CUBN: variants seen among roughly 807,000 people sequenced by gnomAD.
CUBN encodes cubilin.
In CUBN, 282 loss-of-function variants were observed where a neutral mutation model predicts 405.3. The observed-to-expected ratio is 0.70, with a 90% CI of 0.63 to 0.77. The LOEUF is 0.77. Among genes scored for constraint, CUBN ranks in the 30% least tolerant of loss-of-function variants. The pLI, the probability that CUBN is intolerant of heterozygous loss-of-function variation, is 0.00. For missense variants in CUBN, 4,514 were observed against 4,475.2 expected (o/e 1.01, Z -0.25); for synonymous variants, 1,684 against 1,617.0 (o/e 1.04, Z -0.99).
At position 16,831,109 on chromosome 10, in the gene CUBN, C is replaced by T. The variant is rs910601648; in HGVS notation, c.10528+143G>A. 7 of 759,404 alleles carry T rather than the reference C, an allele frequency of 9.2e-6. No individual in the cohort carries two copies. The African/African-American group carries it at 1.1e-4, about 11-fold the overall frequency. 47.0% of individuals were successfully genotyped at this position (759,404 alleles called of 1,614,324 possible). On this transcript the variant is annotated intron_variant, in intron 65 of 66. Coordinates refer to ENST00000377833, the MANE Select transcript of CUBN (RefSeq NM_001081.4). ...TTCAAAAAAAAAAAAGTAATCTGTA[C>T]TTTCAATGTTAAAATCTCTATTCTT...
intron 14 of CUBN, among the ~76,000 whole-genome samples, chr10:17,095,548 A>T (rs1836354860): frequency 6.6e-6 from 1 of 152,102 alleles, no homozygotes; most frequent in Non-Finnish European, 1.5e-5. Flanking sequence ...TCAAAACCAC[A>T]ATAAGATGCC....
intron 27 of CUBN, among the ~76,000 whole-genome samples, chr10:17,028,645 T>A (rs1834726031): frequency 6.6e-6 from 1 of 150,856 alleles, no homozygotes; most frequent in Non-Finnish European, 1.5e-5. Flanking sequence ...GACTTGAATC[T>A]GGGAGGCGGA....
intron 54 of CUBN, among the ~76,000 whole-genome samples, chr10:16,898,308 T>C (rs543918452): frequency 1.3e-5 from 2 of 152,216 alleles, no homozygotes; most frequent in South Asian, 2.1e-4. Flanking sequence ...ATGCTCTTCA[T>C]TCTACAGTTG....
chr10:17,045,426 C>G (rs1234246581), intron 24 of CUBN, among the ~76,000 whole-genome samples: 3 of 146,308 alleles, frequency 2.1e-5, no homozygotes, highest in Non-Finnish European at 4.5e-5. Context: ...ACGGCATGAT[C>G]TTGACTCACT....
chr10:16,824,115 T>A lies in CUBN; in HGVS notation c.*860A>T, dbSNP rs1165517581. On this transcript the variant is annotated 3_prime_UTR_variant, in exon 67 of 67. Coordinates refer to ENST00000377833, the MANE Select transcript of CUBN (RefSeq NM_001081.4). The stretch of plus-strand genomic sequence containing the variant: ...CCCAGGCTGGAGTACAGTGGTTAAT[T>A]CACAGGGTTTCACTGCAGCCTTAAC... The A allele has an allele frequency of 1.3e-5, 2 of 152,182 alleles. No homozygotes were observed. Among genetic ancestry groups the A allele is most frequent in the Non-Finnish European group, 2.9e-5 (2 of 68,032 alleles). 9.4% of individuals were successfully genotyped at this position (152,182 alleles called of 1,614,324 possible).
intron 64 of CUBN, among the ~76,000 whole-genome samples, chr10:16,832,642 T>C (rs1329651515): frequency 6.6e-6 from 1 of 152,130 alleles, no homozygotes. Context: ...GGATACTAAT[T>C]TCCACTGACA....
At chr10:16,830,946 G>A (rs943318196) in intron 65 of CUBN, among the ~76,000 whole-genome samples, 2 of 152,102 alleles carry the variant, frequency 1.3e-5, no homozygotes, top group African/African-American at 4.8e-5. Flanking sequence ...AATCGGCTGG[G>A]CATGGTGGCG....
Position 17,046,012 on chromosome 10 carries a change from T to C in CUBN, c.3412A>G (p.Lys1138Glu). ...LPPTIISHSN[K>E]LWLKFKSDQI... ...TCACTCTTAAATTTTAACCATAGTT[T>C]GTTACTATGAGAGATGATTGTTGGG... The change falls in exon 24 of 67, where the codon AAA (lysine) becomes GAA (glutamate). Residue 1138 changes from lysine (K) to glutamate (E), a missense_variant. By Grantham distance (56) the Lys-to-Glu change is moderately conservative. Around this residue, in one of 5 missense-constraint regions of CUBN, gnomAD observed 1,448 missense variants for 1,388.0 expected, o/e 1.04. Coordinates refer to ENST00000377833, the MANE Select transcript of CUBN (RefSeq NM_001081.4). 1 of 1,613,226 alleles carries C rather than the reference T, an allele frequency of 6.2e-7. No homozygotes were observed. Among genetic ancestry groups the C allele is most frequent in the Non-Finnish European group, 8.5e-7 (1 of 1,179,188 alleles).
At chr10:17,102,529 T>A (rs1268096800) in intron 13 of CUBN, among the ~76,000 whole-genome samples, 1 of 150,314 alleles carries the variant, frequency 6.7e-6, no homozygotes, top group African/African-American at 2.5e-5. Flanking sequence ...TCAGGCAATG[T>A]GCCCGCCTCA....
Position 16,836,344 on chromosome 10 carries a change from A to T in CUBN, c.10071T>A (p.Asn3357Lys), listed in dbSNP as rs781587982. The change falls in exon 63 of 67, where the codon AAT becomes AAA. Residue 3357 changes from asparagine (N) to lysine (K), a missense_variant. Around this residue, in one of 5 missense-constraint regions of CUBN, gnomAD observed 1,186 missense variants for 1,186.9 expected, o/e 1.00. Transcript: ENST00000377833. Reference sequence around the variant, plus strand: ...AATAAAACACTGGCACAGCCGAAGCATTTCTGCCACAGAACTGAAATCTTG... The same window carrying T: ...AATAAAACACTGGCACAGCCGAAGCTTTTCTGCCACAGAACTGAAATCTTG... ...GNSRFQFCGR[N>K]ASAVPVFYSS... The T allele has an allele frequency of 1.2e-6, 2 of 1,614,120 alleles. No homozygotes were observed. The highest frequency in any genetic ancestry group is 8.5e-7 in the Non-Finnish European group (1 of 1,179,924).
At chr10:16,950,483 A>T (rs1376125353) in intron 33 of CUBN, among the ~76,000 whole-genome samples, 1 of 152,200 alleles carries the variant, frequency 6.6e-6, no homozygotes, top group Non-Finnish European at 1.5e-5. Flanking sequence ...ACAAAATAAA[A>T]TTAAAATTAA....
chr10:16,933,165 TAG>T lies in CUBN; in HGVS notation c.6044_6045del (p.Ser2015TyrfsTer12). 6.2e-7 allele frequency: 1 copy of T among 1,614,050 alleles called. No individual in the cohort carries two copies. The highest frequency in any genetic ancestry group is 8.5e-7 in the Non-Finnish European group (1 of 1,179,982). ...DCTWLIQAPD[S>X]TVELNILSLD... is the part of the protein sequence containing the mutation. ...AGGGAAAGAATGTTGAGTTCCACGG[TAG>T]AGTCGGGAGCCTGGATGAGCCACGT... On this transcript the variant is annotated frameshift_variant, in exon 40 of 67. Transcript: ENST00000377833. LOFTEE classifies it high-confidence loss of function.
chr10:16,903,510 G>A lies in CUBN; in HGVS notation c.8062+456C>T, dbSNP rs575189264. On this transcript the variant is annotated intron_variant, in intron 51 of 66. Coordinates refer to ENST00000377833, the MANE Select transcript of CUBN (RefSeq NM_001081.4). ...CAGAAGTTTACACAGAAAGATCAAA[G>A]AGAATCTATAGACAACATATTAAAA... Among the ~76,000 whole-genome samples, 3 of 151,746 alleles carry A rather than the reference G, an allele frequency of 2.0e-5. No homozygotes were observed. The South Asian group carries it at 6.2e-4, about 31-fold the overall frequency.
intron 54 of CUBN, among the ~76,000 whole-genome samples, chr10:16,896,018 C>G (rs1325309664): frequency 6.6e-6 from 1 of 152,072 alleles, no homozygotes; most frequent in East Asian, 1.9e-4. Flanking sequence ...TTTCTTCACA[C>G]AGTTTTGGTA....
chr10:17,069,978 C>T (rs2131846988), intron 19 of CUBN, among the ~76,000 whole-genome samples: 1 of 152,260 alleles, frequency 6.6e-6, no homozygotes, highest in Non-Finnish European at 1.5e-5. Flanking sequence ...AGAGACTACT[C>T]CTAGGTTTCT....
intron 48 of CUBN, among the ~76,000 whole-genome samples, chr10:16,910,719 C>A (rs1230663515): frequency 6.6e-6 from 1 of 151,556 alleles, no homozygotes; most frequent in African/African-American, 2.4e-5. Flanking sequence ...AGAAAACTGA[C>A]CCCAAATGAG....
At chr10:16,972,820 G>A (rs950225425) in intron 31 of CUBN, among the ~76,000 whole-genome samples, 1 of 151,830 alleles carries the variant, frequency 6.6e-6, no homozygotes, top group African/African-American at 2.4e-5. Flanking sequence ...TCTAGTGACT[G>A]CCACCGTGAC....
chr10:17,048,706 A>G (rs1835193883), intron 22 of CUBN, among the ~76,000 whole-genome samples: 1 of 152,178 alleles, frequency 6.6e-6, no homozygotes, highest in Non-Finnish European at 1.5e-5. Flanking sequence ...AGGGTATAGG[A>G]GTAGACAGAG....
At chr10:16,891,326 A>G (rs1840996610) in intron 54 of CUBN, among the ~76,000 whole-genome samples, 1 of 152,244 alleles carries the variant, frequency 6.6e-6, no homozygotes, top group African/African-American at 2.4e-5. Flanking sequence ...TAAACAAGGC[A>G]TTATGATGGG....
Sources: allele counts gnomAD v4.1 joint callset (sites outside exome capture counted in the v4.1 genomes callset), GRCh38; gene constraint gnomAD v4.1.1; regional missense constraint gnomAD v4.1.1; transcripts MANE v1.5; gene names NCBI Gene and HGNC (gene_info 2026-07-23, HGNC 2026-07-21).